The following SMURF1 variants were observed in gnomAD, a reference collection of about 807,000 sequenced individuals.
SMURF1 encodes the protein E3 ubiquitin-protein ligase SMURF1.
SMURF1 carries 44 observed loss-of-function variants against 98.0 expected under a neutral mutation model. That is an observed-to-expected ratio of 0.45 (90% CI 0.35 to 0.58). SMURF1 has a LOEUF of 0.58. Among genes scored for constraint, SMURF1 ranks in the 20% least tolerant of loss-of-function variants. SMURF1 has a pLI of 0.00. For synonymous variants in SMURF1, 396 were observed against 374.9 expected (o/e 1.06, Z -0.65); for missense variants, 687 against 938.4 (o/e 0.73, Z 3.50).
At chr7:99,130,328 C>T (rs558370676) in intron 1 of SMURF1, among the ~76,000 whole-genome samples, 4 of 152,186 alleles carry the variant, frequency 2.6e-5, no homozygotes, top group African/African-American at 9.7e-5. Context: ...TGGCACATGC[C>T]TGTAGTTCCA....
chr7:99,123,979 T>C (rs1160800847), intron 1 of SMURF1, among the ~76,000 whole-genome samples: 1 of 152,206 alleles, frequency 6.6e-6, no homozygotes, highest in Non-Finnish European at 1.5e-5. Context: ...GTAGGTCTTG[T>C]CTGAGGCTTA....
chr7:99,033,561 G>A (rs1795002025), intron 16 of SMURF1, among the ~76,000 whole-genome samples: 2 of 152,110 alleles, frequency 1.3e-5, no homozygotes, highest in African/African-American at 4.8e-5. Context: ...CACCTGCCTC[G>A]GCCTCCCAGA....
chr7:99,030,523 A>G lies in SMURF1; in HGVS notation c.*61T>C. The G allele has an allele frequency of 7.1e-7, 1 of 1,407,452 alleles. No individual in the cohort carries two copies. The highest frequency in any genetic ancestry group is 1.0e-6 in the Non-Finnish European group (1 of 995,206). The allele number at this position is 1,407,452 out of a possible 1,614,324, so 87.2% of individuals were successfully genotyped here. ...TCTGCCAGCTTTGCAGGAGGTGCAC[A>G]GAAGCTGGATGCTTTTGGTCTGGTG... On this transcript the variant is annotated 3_prime_UTR_variant, in exon 18 of 18. Coordinates refer to ENST00000361368, the MANE Select transcript of SMURF1 (RefSeq NM_181349.3).
At chr7:99,039,376 C>G (rs1712207242) in intron 13 of SMURF1, among the ~76,000 whole-genome samples, 1 of 151,740 alleles carries the variant, frequency 6.6e-6, no homozygotes, top group Admixed American at 6.6e-5. Context: ...GACAGAGACT[C>G]ACTCTGTCAT....
chr7:99,060,910 G>T (rs1796020229), intron 2 of SMURF1, among the ~76,000 whole-genome samples: 1 of 150,180 alleles, frequency 6.7e-6, no homozygotes, highest in South Asian at 2.1e-4. Flanking sequence ...AAAAAAAAAA[G>T]GCTTACATTC....
At chr7:99,137,145 A>G (rs1798010319) in intron 1 of SMURF1, among the ~76,000 whole-genome samples, 1 of 152,158 alleles carries the variant, frequency 6.6e-6, no homozygotes, top group South Asian at 2.1e-4. Context: ...ATTTTCTTCA[A>G]TGTCAAAGTA....
chr7:99,051,538 C>T, intron 7 of SMURF1, 97 bp from the exon 8 acceptor site: 2 of 889,352 alleles, frequency 2.2e-6, no homozygotes, highest in Non-Finnish European at 3.8e-6. Context: ...TTATCTAAAT[C>T]TAGATAACAC....
At position 99,052,368 on chromosome 7, in the gene SMURF1, G is replaced by A. The variant is rs556871397; in HGVS notation, c.558C>T (p.Thr186=). ...MEEPAPYTDS[T]GAAAGGGNCR... ...AATTCCCTCCTCCAGCAGCAGCACC[G>A]GTGCTATCTGTGTAAGGGGCTGGTT... The change falls in exon 7 of 18, where the codon ACC becomes ACT. Residue 186 remains threonine (T), a synonymous_variant. Transcript: ENST00000361368. 50 of 1,612,240 alleles carry A rather than the reference G, an allele frequency of 3.1e-5. No homozygotes were observed. Among genetic ancestry groups the A allele is most frequent in the African/African-American group, 9.3e-5 (7 of 75,028 alleles).
intron 12 of SMURF1, 53 bp downstream of exon 12, chr7:99,042,065 A>G: frequency 1.4e-6 from 2 of 1,388,304 alleles, no homozygotes; most frequent in Non-Finnish European, 2.0e-6. Context: ...CTGAAAATCC[A>G]TCTCAAAACT....
In SMURF1 at chr7:99,045,756, TTTTCAAGTC is replaced by T; in HGVS notation, c.1189_1197del (p.Asp397_Lys399del). ...CCACGGAATTTCACCATCAGCCGTT[TTTTCAAGTC>T]TTTCGGTCGCATCTTCATTATCTGG... is the stretch of plus-strand genomic sequence containing the variant. On this transcript the variant is annotated inframe_deletion, in exon 11 of 18. Transcript: ENST00000361368. 1 of 1,614,230 alleles carries T rather than the reference TTTTCAAGTC, an allele frequency of 6.2e-7. No homozygotes were observed. The highest frequency in any genetic ancestry group is 8.5e-7 in the Non-Finnish European group (1 of 1,180,036).
intron 17 of SMURF1, 126 bp from the exon 18 acceptor site, chr7:99,030,809 T>C: frequency 1.6e-6 from 1 of 637,928 alleles, no homozygotes; most frequent in Non-Finnish European, 2.7e-6. Context: ...GCAGGGTTGG[T>C]GATGAGTTCT....
chr7:99,143,427 G>A (rs1798184899), intron 1 of SMURF1, among the ~76,000 whole-genome samples: 1 of 144,728 alleles, frequency 6.9e-6, no homozygotes, highest in Non-Finnish European at 1.5e-5. Flanking sequence ...AGATGCAAGG[G>A]GCGTGGCCAT....
At chr7:99,111,667 T>C (rs1013888302) in intron 1 of SMURF1, among the ~76,000 whole-genome samples, 1 of 152,148 alleles carries the variant, frequency 6.6e-6, no homozygotes, top group African/African-American at 2.4e-5. Flanking sequence ...AATAAACAGC[T>C]AAGAGAGAGT....
chr7:99,058,967 C>T (rs1795951578), intron 3 of SMURF1, among the ~76,000 whole-genome samples: 1 of 152,116 alleles, frequency 6.6e-6, no homozygotes, highest in South Asian at 2.1e-4. Flanking sequence ...ACCTGTAATC[C>T]CAGCTACTCG....
chr7:99,140,895 A>C (rs1242896816), intron 1 of SMURF1, among the ~76,000 whole-genome samples: 4 of 152,190 alleles, frequency 2.6e-5, no homozygotes, highest in Admixed American at 2.6e-4. Flanking sequence ...CAGAAGTGAG[A>C]ATTCAAACTT....
chr7:99,138,603 G>A lies in SMURF1; in HGVS notation c.55+5123C>T, dbSNP rs553962479. Among the ~76,000 whole-genome samples, 8 of 152,230 alleles carry A rather than the reference G, an allele frequency of 5.3e-5. No homozygotes were observed. The South Asian group carries it at 1.5e-3, about 28-fold the overall frequency. On this transcript the variant is annotated intron_variant, in intron 1 of 17. Coordinates refer to ENST00000361368, the MANE Select transcript of SMURF1 (RefSeq NM_181349.3). ...AGACTAGAGGTTTTAAACTCTGACA[G>A]ATGGACTTGAAGTTAAAAATCCTAG...
intron 1 of SMURF1, among the ~76,000 whole-genome samples, chr7:99,122,165 C>A (rs556453560): frequency 6.6e-6 from 1 of 151,484 alleles, no homozygotes; most frequent in African/African-American, 2.4e-5. Flanking sequence ...CCCATCTCTA[C>A]TAAAAATACA....
intron 1 of SMURF1, among the ~76,000 whole-genome samples, chr7:99,083,797 G>C (rs1239923650): frequency 1.3e-5 from 2 of 152,174 alleles, no homozygotes; most frequent in Non-Finnish European, 2.9e-5. Context: ...TTTGTTTAAT[G>C]GTTCACAGAC....
At position 99,042,105 on chromosome 7, in the gene SMURF1, C is replaced by T. The variant is rs776146618; in HGVS notation, c.1371+13G>A. The T allele has an allele frequency of 1.3e-6, 2 of 1,591,940 alleles. No individual in the cohort carries two copies. Among genetic ancestry groups the T allele is most frequent in the East Asian group, 2.2e-5 (1 of 44,782 alleles). On this transcript the variant is annotated intron_variant, in intron 12 of 17. Coordinates refer to ENST00000361368, the MANE Select transcript of SMURF1 (RefSeq NM_181349.3). ...CAACTCAATTCCCTACCTCTTTGTT[C>T]ATTCATACTTACGGGGTTGATTGAA...
Sources: gnomAD v4.1 joint callset for allele counts (sites outside exome capture counted in the v4.1 genomes callset) on GRCh38, gnomAD v4.1.1 for gene constraint, MANE v1.5 for transcripts, NCBI Gene and HGNC (gene_info 2026-07-23, HGNC 2026-07-21) for gene names.